Variants in PPP4R3B observed in about 807,000 individuals in gnomAD.
The protein encoded by PPP4R3B is protein phosphatase 4 regulatory subunit 3B, also known as serine/threonine-protein phosphatase 4 regulatory subunit 3B.
Under a neutral mutation model 95.4 loss-of-function variants are expected in PPP4R3B, and 52 were observed. The ratio of observed to expected loss-of-function variants is 0.54; its 90% CI spans 0.44 to 0.69. The LOEUF is 0.69. Ranked by LOEUF, PPP4R3B falls within the 30% of genes least tolerant of loss-of-function variation. The probability of loss-of-function intolerance (pLI) is 0.00; values close to 1 mark genes in which losing one functional copy is unlikely to be tolerated. For missense variants in PPP4R3B, 1,003 were observed against 1,005.9 expected, an observed-to-expected ratio of 1.00 and a Z score of 0.04; for synonymous variants, 407 against 343.9, an observed-to-expected ratio of 1.18 and a Z score of -2.03.
chr2:55,577,457 T>C (rs1463297861), intron 10 of PPP4R3B, 101 bp from the exon 11 acceptor site: 1 of 1,139,282 alleles, frequency 8.8e-7, no homozygotes, highest in Non-Finnish European at 1.1e-6. Flanking sequence ...AATCATAATC[T>C]CCTTTTACCC....
intron 14 of PPP4R3B, 140 bp downstream of exon 14, chr2:55,564,762 C>T (rs1229973042): frequency 6.6e-6 from 6 of 915,782 alleles, no homozygotes; most frequent in Admixed American, 3.0e-5. Context: ...GTAGGGGGGA[C>T]GCCTTACCCT....
chr2:55,550,643 A>C (rs569709821), intron 16 of PPP4R3B, among the ~76,000 whole-genome samples: 5 of 152,230 alleles, frequency 3.3e-5, no homozygotes, highest in African/African-American at 1.2e-4. Context: ...AGAAAATTAC[A>C]CATCCACAGG....
intron 12 of PPP4R3B, among the ~76,000 whole-genome samples, chr2:55,568,887 G>C (rs1397828865): frequency 1.3e-5 from 2 of 152,136 alleles, no homozygotes; most frequent in Admixed American, 6.5e-5. Flanking sequence ...CTTGTTTTCA[G>C]TTTTCTGAAA....
At chr2:55,557,712 A>G (rs370568401) in intron 16 of PPP4R3B, among the ~76,000 whole-genome samples, 37 of 152,270 alleles carry the variant, frequency 2.4e-4, no homozygotes, top group African/African-American at 8.4e-4. Flanking sequence ...CATTCCTTTA[A>G]TTAGGTATGT....
intron 7 of PPP4R3B, 98 bp from the exon 8 acceptor site, chr2:55,581,796 T>C (rs1387837677): frequency 1.2e-5 from 16 of 1,326,212 alleles, no homozygotes; most frequent in East Asian, 2.5e-5. Flanking sequence ...GAGAATTATA[T>C]AGAGAAAAAA....
intron 4 of PPP4R3B, chr2:55,591,512 C>G (rs1691024454): frequency 1.0e-6 from 1 of 982,116 alleles, no homozygotes; most frequent in Admixed American, 6.2e-5. Context: ...TACCTCCATT[C>G]ACACCTTTTA....
chr2:55,582,086 G>A (rs1012553394), intron 7 of PPP4R3B, among the ~76,000 whole-genome samples: 7 of 152,134 alleles, frequency 4.6e-5, no homozygotes, highest in African/African-American at 1.2e-4. Flanking sequence ...AAGATCACAT[G>A]ACCCTAAGAC....
intron 4 of PPP4R3B, among the ~76,000 whole-genome samples, chr2:55,591,092 G>A (rs1247586807): frequency 2.0e-5 from 3 of 151,796 alleles, no homozygotes; most frequent in Admixed American, 1.3e-4. Flanking sequence ...CATCTTTTGA[G>A]GGAGTTTATA....
At chr2:55,576,514 G>A (rs373524456) in intron 11 of PPP4R3B, among the ~76,000 whole-genome samples, 40 of 152,024 alleles carry the variant, frequency 2.6e-4, no homozygotes, top group African/African-American at 8.7e-4. Context: ...AGGCCGAGGC[G>A]GGTGGATCAC....
At chr2:55,582,186 T>C (rs1689531694) in intron 7 of PPP4R3B, among the ~76,000 whole-genome samples, 1 of 152,210 alleles carries the variant, frequency 6.6e-6, no homozygotes, top group South Asian at 2.1e-4. Context: ...TACACAACTC[T>C]TCATGCAAGT....
intron 4 of PPP4R3B, among the ~76,000 whole-genome samples, chr2:55,590,641 T>G (rs1160120562): frequency 6.6e-6 from 1 of 152,212 alleles, no homozygotes; most frequent in African/African-American, 2.4e-5. Context: ...TAAGCTTCAG[T>G]TATCTTCAAA....
intron 16 of PPP4R3B, among the ~76,000 whole-genome samples, chr2:55,552,503 T>C (rs1685366212): frequency 6.6e-6 from 1 of 152,194 alleles, no homozygotes; most frequent in African/African-American, 2.4e-5. Flanking sequence ...AAGCGATTCC[T>C]GTGCCTCAGC....
chr2:55,584,636 T>C (rs1050285296), intron 7 of PPP4R3B, among the ~76,000 whole-genome samples: 1 of 152,176 alleles, frequency 6.6e-6, no homozygotes, highest in African/African-American at 2.4e-5. Flanking sequence ...CTTAGAAAAA[T>C]AGTCTCCAAT....
intron 12 of PPP4R3B, among the ~76,000 whole-genome samples, chr2:55,572,997 C>CTA (rs1172781400): frequency 6.6e-6 from 1 of 151,982 alleles, no homozygotes; most frequent in African/African-American, 2.4e-5. Flanking sequence ...ATCCTCTATA[C>CTA]ATGTGTGAAT....
rs147167316 is a variant in PPP4R3B at position 55,588,766 on chromosome 2, ATC to A, written c.999+111_999+112del. The A allele has an allele frequency of 9.6e-3, 5,615 of 587,908 alleles. 156 individuals carry two copies. The highest frequency in any genetic ancestry group is 0.068 in the East Asian group (2,424 of 35,598). 36.4% of individuals were successfully genotyped at this position (587,908 alleles called of 1,614,324 possible). On this transcript the variant is annotated intron_variant, in intron 5 of 16. Transcript: ENST00000616407. ...AGTTCAATTTAAATACATACTTTTC[ATC>A]TCTTACTAATCTAATTACAAAAAAT... is the stretch of plus-strand genomic sequence containing the variant.
At chr2:55,555,160 G>C (rs1230274943) in intron 16 of PPP4R3B, among the ~76,000 whole-genome samples, 1 of 150,832 alleles carries the variant, frequency 6.6e-6, no homozygotes, top group East Asian at 2.0e-4. Context: ...GGCACCTGTA[G>C]TCCCAGCTAC....
chr2:55,614,412 T>C (rs564888039), intron 2 of PPP4R3B: 2 of 152,258 alleles, frequency 1.3e-5, no homozygotes, highest in Admixed American at 6.5e-5. Flanking sequence ...TATACAGAGT[T>C]TAAAAAGAAA....
chr2:55,590,479 A>G (rs1362872822), intron 4 of PPP4R3B, among the ~76,000 whole-genome samples: 2 of 152,132 alleles, frequency 1.3e-5, no homozygotes, highest in African/African-American at 4.8e-5. Flanking sequence ...ATAGGTTATG[A>G]GTGATTTTCT....
At chr2:55,594,437 T>C (rs1282143443) in intron 4 of PPP4R3B, among the ~76,000 whole-genome samples, 1 of 152,026 alleles carries the variant, frequency 6.6e-6, no homozygotes, top group African/African-American at 2.4e-5. Context: ...CAGAAATGAG[T>C]AAATCTTTTA....
Sources: allele counts gnomAD v4.1 joint callset (sites outside exome capture counted in the v4.1 genomes callset), GRCh38; gene constraint gnomAD v4.1.1; transcripts MANE v1.5; gene names NCBI Gene and HGNC (gene_info 2026-07-23, HGNC 2026-07-21).